Variants in KCNAB1 observed in about 807,000 individuals in gnomAD.
KCNAB1 encodes the protein voltage-gated potassium channel subunit beta-1.
Under a neutral mutation model 64.6 loss-of-function variants are expected in KCNAB1, and 35 were observed. That is an observed-to-expected ratio of 0.54 (90% CI 0.41 to 0.72). The LOEUF is 0.72. Ranked by LOEUF, KCNAB1 falls within the 30% of genes least tolerant of loss-of-function variation. KCNAB1 has a pLI of 0.00. For missense variants in KCNAB1, 401 were observed against 512.9 expected, an observed-to-expected ratio of 0.78 and a Z score of 2.11; for synonymous variants, 177 against 183.8, an observed-to-expected ratio of 0.96 and a Z score of 0.30.
intron 1 of KCNAB1, chr3:156,291,455 G>A (rs1466997467): frequency 3.2e-5 from 33 of 1,025,598 alleles, no homozygotes; most frequent in Admixed American, 5.1e-5. Context: ...CTTGCGGTAA[G>A]CCTGCGCTGA....
intron 1 of KCNAB1, among the ~76,000 whole-genome samples, chr3:156,130,378 T>G (rs977037409): frequency 1.3e-5 from 2 of 152,218 alleles, no homozygotes; most frequent in African/African-American, 4.8e-5. Context: ...CTGACCAAAG[T>G]CTATGACATC....
intron 2 of KCNAB1, among the ~76,000 whole-genome samples, chr3:156,434,714 T>C (rs939833611): frequency 1.3e-5 from 2 of 151,814 alleles, no homozygotes; most frequent in Admixed American, 6.6e-5. Flanking sequence ...AAATGTAAAA[T>C]TAATATGAAA....
At chr3:156,224,041 G>A (rs1290990723) in intron 1 of KCNAB1, among the ~76,000 whole-genome samples, 4 of 152,204 alleles carry the variant, frequency 2.6e-5, no homozygotes, top group Admixed American at 2.6e-4. Context: ...CAGGCATGGC[G>A]GGCTGCATGT....
intron 1 of KCNAB1, among the ~76,000 whole-genome samples, chr3:156,141,556 G>A (rs143309815): frequency 5.4e-4 from 82 of 151,352 alleles, no homozygotes; most frequent in African/African-American, 1.7e-3. Context: ...CACACTCAGC[G>A]TAAGCCTCTC....
intron 1 of KCNAB1, among the ~76,000 whole-genome samples, chr3:156,197,435 C>T (rs1411916306): frequency 1.3e-5 from 2 of 152,112 alleles, no homozygotes; most frequent in East Asian, 3.8e-4. Context: ...TCCATCTGGT[C>T]CTGGGCTTTT....
At chr3:156,149,773 A>G (rs1476383220) in intron 1 of KCNAB1, among the ~76,000 whole-genome samples, 2 of 152,304 alleles carry the variant, frequency 1.3e-5, no homozygotes, top group African/African-American at 2.4e-5. Flanking sequence ...CAGGGTTGAC[A>G]TATGTGGAAG....
intron 1 of KCNAB1, among the ~76,000 whole-genome samples, chr3:156,181,521 G>C (rs1215252514): frequency 6.6e-6 from 1 of 152,180 alleles, no homozygotes; most frequent in South Asian, 2.1e-4. Context: ...TGTTGGATTG[G>C]CTGGAAAGAA....
chr3:156,268,013 C>T (rs1385593479), intron 1 of KCNAB1, among the ~76,000 whole-genome samples: 1 of 150,528 alleles, frequency 6.6e-6, no homozygotes. Flanking sequence ...CATTAGCCAC[C>T]CCCACTTCCT....
intron 1 of KCNAB1, among the ~76,000 whole-genome samples, chr3:156,401,966 C>T (rs1713927482): frequency 6.6e-6 from 1 of 150,604 alleles, no homozygotes. Context: ...AAAAGTGTTA[C>T]AGGGCGGGGA....
chr3:156,130,286 A>T (rs534710982), intron 1 of KCNAB1, among the ~76,000 whole-genome samples: 1 of 152,192 alleles, frequency 6.6e-6, no homozygotes. Flanking sequence ...GGTTACCCCA[A>T]TCTGTTTTTC....
At chr3:156,153,642 G>T (rs1264178617) in intron 1 of KCNAB1, among the ~76,000 whole-genome samples, 1 of 152,188 alleles carries the variant, frequency 6.6e-6, no homozygotes, top group Non-Finnish European at 1.5e-5. Context: ...GAACAAAAAC[G>T]CTGACCTCTC....
intron 1 of KCNAB1, among the ~76,000 whole-genome samples, chr3:156,237,330 C>A (rs1716908072): frequency 6.6e-6 from 1 of 151,838 alleles, no homozygotes; most frequent in Non-Finnish European, 1.5e-5. Context: ...TTTTATTTTT[C>A]TTAAGAAAGT....
At chr3:156,322,489 A>G (rs1722724079) in intron 1 of KCNAB1, among the ~76,000 whole-genome samples, 3 of 152,306 alleles carry the variant, frequency 2.0e-5, no homozygotes, top group Admixed American at 2.0e-4. Context: ...TTTACATAGC[A>G]TTTACACTGT....
At chr3:156,443,742 AC>A (rs1717180273) in intron 2 of KCNAB1, among the ~76,000 whole-genome samples, 1 of 35,222 alleles carries the variant, frequency 2.8e-5, no homozygotes. Flanking sequence ...TAGTCCTTAC[AC>A]ACACACACAC....
intron 7 of KCNAB1, among the ~76,000 whole-genome samples, chr3:156,473,441 C>T (rs777423781): frequency 5.3e-5 from 8 of 152,122 alleles, no homozygotes; most frequent in Non-Finnish European, 1.0e-4. Context: ...TGGCTCATAT[C>T]ATGATACTTT....
chr3:156,485,414 C>T (rs1172848843), intron 8 of KCNAB1, among the ~76,000 whole-genome samples: 1 of 151,972 alleles, frequency 6.6e-6, no homozygotes, highest in Non-Finnish European at 1.5e-5. Flanking sequence ...ATATTTTCTC[C>T]AGTATCTCCT....
At chr3:156,340,287 C>T (rs1724009161) in intron 1 of KCNAB1, among the ~76,000 whole-genome samples, 1 of 152,210 alleles carries the variant, frequency 6.6e-6, no homozygotes, top group Admixed American at 6.5e-5. Context: ...AAATAAAACC[C>T]CCAAAGTCCT....
intron 8 of KCNAB1, among the ~76,000 whole-genome samples, chr3:156,494,390 C>T (rs1032771483): frequency 6.6e-6 from 1 of 152,046 alleles, no homozygotes; most frequent in Non-Finnish European, 1.5e-5. Context: ...CTAGACTTTT[C>T]CCTGGGAAGC....
At chr3:156,288,008 A>G (rs1180198332) in intron 1 of KCNAB1, among the ~76,000 whole-genome samples, 1 of 152,198 alleles carries the variant, frequency 6.6e-6, no homozygotes, top group Admixed American at 6.5e-5. Flanking sequence ...ACAAAGAACC[A>G]CAGACTAGGT....
Sources: allele counts gnomAD v4.1 joint callset (sites outside exome capture counted in the v4.1 genomes callset), GRCh38; gene constraint gnomAD v4.1.1; transcripts MANE v1.5; gene names NCBI Gene and HGNC (gene_info 2026-07-23, HGNC 2026-07-21).